FAT3: variants seen among roughly 807,000 people sequenced by gnomAD.
FAT3 encodes FAT atypical cadherin 3.
FAT3 carries 95 observed loss-of-function variants against 310.2 expected under a neutral mutation model. The observed-to-expected ratio is 0.31, with a 90% CI of 0.26 to 0.36. The LOEUF (loss-of-function observed/expected upper bound fraction) is 0.36, where lower values mean the gene tolerates loss of function less well. Ranked by LOEUF, FAT3 falls within the 10% of genes least tolerant of loss-of-function variation. FAT3 has a pLI of 1.00. For synonymous variants in FAT3, 2,314 were observed against 2,192.9 expected, an observed-to-expected ratio of 1.06 and a Z score of -1.54; for missense variants, 5,408 against 5,715.6, an observed-to-expected ratio of 0.95 and a Z score of 1.74.
intron 18 of FAT3, 36 bp from the exon 19 acceptor site, chr11:92,843,898 T>G: frequency 6.5e-7 from 1 of 1,541,514 alleles, no homozygotes; most frequent in Non-Finnish European, 8.7e-7. Flanking sequence ...ATTAGTTTTC[T>G]TCCTTTGTTG....
intron 3 of FAT3, among the ~76,000 whole-genome samples, chr11:92,582,544 A>G (rs1183435050): frequency 6.6e-6 from 1 of 152,052 alleles, no homozygotes; most frequent in Non-Finnish European, 1.5e-5. Flanking sequence ...AGAGGTAGGT[A>G]TTTCTTATAT....
chr11:92,422,616 C>T (rs1173300990), intron 2 of FAT3, among the ~76,000 whole-genome samples: 2 of 152,018 alleles, frequency 1.3e-5, no homozygotes, highest in East Asian at 3.9e-4. Context: ...TGACCAGAGG[C>T]TGAGGGCAGG....
intron 1 of FAT3, among the ~76,000 whole-genome samples, chr11:92,307,085 C>T (rs2134443669): frequency 6.6e-6 from 1 of 151,888 alleles, no homozygotes. Flanking sequence ...ACATGAGCCA[C>T]TGTGCCTGGC....
At chr11:92,508,973 TA>T (rs1953202055) in intron 2 of FAT3, among the ~76,000 whole-genome samples, 1 of 152,182 alleles carries the variant, frequency 6.6e-6, no homozygotes, top group African/African-American at 2.4e-5. Context: ...GGACAAATTT[TA>T]ATTTAAATTA....
intron 1 of FAT3, among the ~76,000 whole-genome samples, chr11:92,349,106 A>G (rs1948492911): frequency 6.6e-6 from 1 of 152,180 alleles, no homozygotes; most frequent in Non-Finnish European, 1.5e-5. Context: ...CATGGAGTCT[A>G]GACTCCTTGG....
chr11:92,444,665 G>T (rs1032562666), intron 2 of FAT3, among the ~76,000 whole-genome samples: 2 of 138,524 alleles, frequency 1.4e-5, no homozygotes, highest in Non-Finnish European at 3.1e-5. Flanking sequence ...TTACTGGGGG[G>T]GGGGGAAAAC....
At chr11:92,457,008 AG>A (rs1445380820) in intron 2 of FAT3, among the ~76,000 whole-genome samples, 1 of 152,178 alleles carries the variant, frequency 6.6e-6, no homozygotes, top group East Asian at 1.9e-4. Flanking sequence ...GACACAGGCA[AG>A]GCAGTCCCAA....
At chr11:92,368,705 T>C (rs4313539) in intron 2 of FAT3, among the ~76,000 whole-genome samples, 9,730 of 152,056 alleles carry the variant, frequency 0.064, 530 homozygotes, top group African/African-American at 0.14. Flanking sequence ...TATATTCATA[T>C]GGTGGTACCA....
intron 1 of FAT3, among the ~76,000 whole-genome samples, chr11:92,329,613 A>AT (rs926360606): frequency 1.7e-4 from 22 of 129,118 alleles, no homozygotes; most frequent in Non-Finnish European, 2.3e-4. Context: ...TTTTTATAGA[A>AT]TTTTTTTTTT....
chr11:92,494,137 A>ACTTATATTTTAAAC (rs1226140100), intron 2 of FAT3, among the ~76,000 whole-genome samples: 2 of 151,722 alleles, frequency 1.3e-5, no homozygotes, highest in Non-Finnish European at 2.9e-5. Context: ...GCAGGGGAAA[A>ACTTATATTTTAAAC]CTTATATTTT....
chr11:92,457,852 G>A (rs1776283215), intron 2 of FAT3, among the ~76,000 whole-genome samples: 1 of 152,146 alleles, frequency 6.6e-6, no homozygotes, highest in African/African-American at 2.4e-5. Flanking sequence ...AACCCAGGAG[G>A]GGGAGGTTGC....
chr11:92,656,107 G>A (rs1226774951), intron 3 of FAT3, among the ~76,000 whole-genome samples: 1 of 152,114 alleles, frequency 6.6e-6, no homozygotes, highest in Non-Finnish European at 1.5e-5. Context: ...CTAGAACTAG[G>A]TTGCCTGGCT....
rs550837594 is a variant in FAT3, at chr11:92,893,873, C to T, written c.*2760C>T. ...GGGGATGATCACTAATTCAAAAAAG[C>T]TGGAAGAATCCTATTTGCTAGTCCA... is the stretch of plus-strand genomic sequence containing the variant. On this transcript the variant is annotated 3_prime_UTR_variant, in exon 28 of 28. Coordinates refer to ENST00000525166, the MANE Select transcript of FAT3 (RefSeq NM_001367949.2). 8 of 152,280 alleles carry T rather than the reference C, an allele frequency of 5.3e-5. 1 individual carries two copies. In the South Asian group the frequency reaches 1.7e-3, roughly 32 times the overall value. The allele number at this position is 152,280 out of a possible 1,614,324, so 9.4% of individuals were successfully genotyped here.
At chr11:92,598,049 T>C (rs1252051331) in intron 3 of FAT3, among the ~76,000 whole-genome samples, 1 of 151,960 alleles carries the variant, frequency 6.6e-6, no homozygotes, top group Non-Finnish European at 1.5e-5. Context: ...AATGGTTTTC[T>C]TAGGTATGAG....
chr11:92,253,537 C>T (rs894279482), intron 1 of FAT3, among the ~76,000 whole-genome samples: 23 of 152,080 alleles, frequency 1.5e-4, no homozygotes, highest in Admixed American at 2.0e-4. Flanking sequence ...TGGGTTTCTG[C>T]TCTGAGCTGT....
intron 3 of FAT3, among the ~76,000 whole-genome samples, chr11:92,669,717 G>A (rs1262813060): frequency 1.3e-5 from 2 of 152,162 alleles, no homozygotes; most frequent in Non-Finnish European, 2.9e-5. Flanking sequence ...TTCAGGACAG[G>A]CAATCCTAGT....
intron 27 of FAT3, 47 bp from the exon 28 acceptor site, chr11:92,890,444 C>T (rs1196259115): frequency 1.3e-6 from 2 of 1,558,424 alleles, no homozygotes; most frequent in East Asian, 4.5e-5. Flanking sequence ...AGCAAAGCAC[C>T]AACTCCAGTC....
chr11:92,317,651 G>A (rs1021191490), intron 1 of FAT3, among the ~76,000 whole-genome samples: 2 of 152,070 alleles, frequency 1.3e-5, no homozygotes, highest in Non-Finnish European at 2.9e-5. Context: ...AGTGATGCCT[G>A]GTGCTTTTTT....
At chr11:92,306,358 C>T (rs1003885373) in intron 1 of FAT3, among the ~76,000 whole-genome samples, 1 of 149,994 alleles carries the variant, frequency 6.7e-6, no homozygotes, top group Non-Finnish European at 1.5e-5. Context: ...TAGTGGTGCT[C>T]TTAGTAGAGT....
Sources: allele counts gnomAD v4.1 joint callset (sites outside exome capture counted in the v4.1 genomes callset), GRCh38; gene constraint gnomAD v4.1.1; transcripts MANE v1.5; gene names NCBI Gene and HGNC (gene_info 2026-07-23, HGNC 2026-07-21).